The following CCSER1 variants were observed in gnomAD, a reference collection of about 807,000 sequenced individuals.
CCSER1 encodes serine-rich coiled-coil domain-containing protein 1.
In CCSER1, 41 loss-of-function variants were observed where a neutral mutation model predicts 82.0. The observed-to-expected ratio is 0.50, with a 90% CI of 0.39 to 0.65. The LOEUF is 0.65. CCSER1 is among the 30% of genes least tolerant of loss of function. The pLI, the probability that CCSER1 is intolerant of heterozygous loss-of-function variation, is 0.00. For synonymous variants in CCSER1, 414 were observed against 383.9 expected (o/e 1.08, Z -0.92); for missense variants, 1,119 against 1,064.2 (o/e 1.05, Z -0.72).
chr4:91,321,188 T>C (rs1018646583), intron 10 of CCSER1, among the ~76,000 whole-genome samples: 1 of 152,096 alleles, frequency 6.6e-6, no homozygotes, highest in African/African-American at 2.4e-5. Context: ...ACAGTCTTTT[T>C]CAATTCAGGC....
intron 1 of CCSER1, among the ~76,000 whole-genome samples, chr4:90,260,432 C>T (rs1724104610): frequency 6.6e-6 from 1 of 152,136 alleles, no homozygotes; most frequent in Non-Finnish European, 1.5e-5. Flanking sequence ...AATCTGGGAG[C>T]TCCAGTGTTA....
intron 4 of CCSER1, among the ~76,000 whole-genome samples, chr4:90,459,318 A>T (rs1336214822): frequency 1.3e-5 from 2 of 152,202 alleles, no homozygotes; most frequent in East Asian, 1.9e-4. Flanking sequence ...AGCAATGTAG[A>T]TTCAGCCATT....
chr4:91,182,842 G>A (rs1734168660), intron 10 of CCSER1, among the ~76,000 whole-genome samples: 1 of 152,238 alleles, frequency 6.6e-6, no homozygotes, highest in Admixed American at 6.5e-5. Flanking sequence ...GCCAAAGTGT[G>A]TTAGGTTCCA....
intron 9 of CCSER1, among the ~76,000 whole-genome samples, chr4:90,940,646 G>C (rs913519608): frequency 6.6e-6 from 1 of 151,964 alleles, no homozygotes; most frequent in African/African-American, 2.4e-5. Flanking sequence ...TCCCAAAAGG[G>C]GGACAAGAGA....
chr4:90,823,784 A>G (rs1172986804), intron 8 of CCSER1, among the ~76,000 whole-genome samples: 2 of 151,918 alleles, frequency 1.3e-5, no homozygotes, highest in African/African-American at 4.8e-5. Context: ...ATTAAAGCAC[A>G]ATTAAAAAAT....
intron 4 of CCSER1, among the ~76,000 whole-genome samples, chr4:90,414,807 G>A (rs1755549085): frequency 6.6e-6 from 1 of 152,080 alleles, no homozygotes; most frequent in African/African-American, 2.4e-5. Flanking sequence ...TTTCTTCACA[G>A]TGAAGTATAT....
At chr4:90,624,449 A>G (rs987170957) in intron 5 of CCSER1, among the ~76,000 whole-genome samples, 1 of 152,188 alleles carries the variant, frequency 6.6e-6, no homozygotes, top group African/African-American at 2.4e-5. Context: ...AGGTAAGGAA[A>G]ACCTTTCAGT....
At chr4:90,476,314 G>A (rs565405539) in intron 5 of CCSER1, among the ~76,000 whole-genome samples, 4 of 152,154 alleles carry the variant, frequency 2.6e-5, no homozygotes, top group African/African-American at 9.6e-5. Flanking sequence ...TCCAGAAATC[G>A]CTGCTCAAAT....
chr4:91,150,219 G>A (rs1417568192), intron 10 of CCSER1, among the ~76,000 whole-genome samples: 2 of 152,092 alleles, frequency 1.3e-5, no homozygotes, highest in Non-Finnish European at 2.9e-5. Flanking sequence ...GGATTCCTAA[G>A]TATTTTATTC....
chr4:90,849,676 C>A (rs28857579), intron 8 of CCSER1, among the ~76,000 whole-genome samples: 24,936 of 150,974 alleles, frequency 0.17, 2,405 homozygotes, highest in Non-Finnish European at 0.22. Flanking sequence ...GTAGTCCCAG[C>A]TACTTGGGAG....
At chr4:90,793,790 C>T (rs1225368883) in intron 7 of CCSER1, among the ~76,000 whole-genome samples, 2 of 152,166 alleles carry the variant, frequency 1.3e-5, no homozygotes, top group Non-Finnish European at 2.9e-5. Context: ...CCACCAACAG[C>T]GTATAAGCAT....
chr4:91,121,656 G>A (rs984868032), intron 10 of CCSER1, among the ~76,000 whole-genome samples: 2 of 151,178 alleles, frequency 1.3e-5, no homozygotes, highest in Non-Finnish European at 3.0e-5. Context: ...TGTATTTTGG[G>A]CCAAAATATT....
intron 3 of CCSER1, among the ~76,000 whole-genome samples, chr4:90,357,279 T>C (rs1460092748): frequency 1.3e-5 from 2 of 151,956 alleles, no homozygotes; most frequent in African/African-American, 2.4e-5. Flanking sequence ...AACTTGCATT[T>C]AGTAATTCTG....
chr4:90,181,002 A>G (rs1405195849), intron 1 of CCSER1, among the ~76,000 whole-genome samples: 1 of 152,196 alleles, frequency 6.6e-6, no homozygotes, highest in Non-Finnish European at 1.5e-5. Context: ...TATAATGAGC[A>G]TAACAGTAAT....
At chr4:90,153,573 C>A (rs945351757) in intron 1 of CCSER1, among the ~76,000 whole-genome samples, 4 of 151,930 alleles carry the variant, frequency 2.6e-5, no homozygotes, top group Admixed American at 1.3e-4. Flanking sequence ...TTAATGATTG[C>A]CATTCTAACT....
chr4:91,357,385 C>A (rs191591940), intron 10 of CCSER1, among the ~76,000 whole-genome samples: 1 of 152,048 alleles, frequency 6.6e-6, no homozygotes, highest in Non-Finnish European at 1.5e-5. Flanking sequence ...TGTTAAAGAG[C>A]AGGTTGATGC....
chr4:90,885,830 T>A (rs1263318223), intron 8 of CCSER1, among the ~76,000 whole-genome samples: 2 of 152,218 alleles, frequency 1.3e-5, no homozygotes, highest in African/African-American at 4.8e-5. Context: ...TCAGCTACCA[T>A]CATTACTAAT....
intron 10 of CCSER1, among the ~76,000 whole-genome samples, chr4:91,472,610 A>G (rs1321474539): frequency 6.6e-6 from 1 of 152,208 alleles, no homozygotes; most frequent in Non-Finnish European, 1.5e-5. Flanking sequence ...TTTCTCTATA[A>G]TAACCACTGA....
intron 6 of CCSER1, among the ~76,000 whole-genome samples, chr4:90,691,178 G>A (rs1199091579): frequency 2.0e-5 from 3 of 152,020 alleles, no homozygotes; most frequent in Admixed American, 6.6e-5. Context: ...TAATAAGGTA[G>A]AAACACAACT....
Sources: gnomAD v4.1 joint callset for allele counts (sites outside exome capture counted in the v4.1 genomes callset) on GRCh38, gnomAD v4.1.1 for gene constraint, MANE v1.5 for transcripts, NCBI Gene and HGNC (gene_info 2026-07-23, HGNC 2026-07-21) for gene names.